Variants in ANKRD44 observed in about 807,000 individuals in gnomAD.
ANKRD44 encodes serine/threonine-protein phosphatase 6 regulatory ankyrin repeat subunit B.
ANKRD44 carries 35 observed loss-of-function variants against 116.0 expected under a neutral mutation model. That is an observed-to-expected ratio of 0.30 (90% CI 0.23 to 0.40). The LOEUF (loss-of-function observed/expected upper bound fraction) is 0.40, where lower values mean the gene tolerates loss of function less well. Among genes scored for constraint, ANKRD44 ranks in the 10% least tolerant of loss-of-function variants. The probability of loss-of-function intolerance (pLI) is 1.00; values close to 1 mark genes in which losing one functional copy is unlikely to be tolerated. For missense variants in ANKRD44, 1,014 were observed against 1,242.6 expected (o/e 0.82, Z 2.77); for synonymous variants, 435 against 461.8 (o/e 0.94, Z 0.74).
Position 197,025,139 on chromosome 2 carries a change from T to C in ANKRD44, c.1722+57A>G, listed in dbSNP as rs2076567178. ...TTACATTTTAAGAGCAATCTAGTTTTAGGAATGCTTAGGTTGTTTTTGTAA... is the reference window on the plus strand; with the variant it reads ...TTACATTTTAAGAGCAATCTAGTTTCAGGAATGCTTAGGTTGTTTTTGTAA... On this transcript the variant is annotated intron_variant, in intron 17 of 27. Coordinates refer to ENST00000282272, the MANE Select transcript of ANKRD44 (RefSeq NM_001195144.2). The C allele has an allele frequency of 4.0e-6, 6 of 1,511,540 alleles. No homozygotes were observed. The South Asian group carries it at 5.7e-5, about 14-fold the overall frequency. The allele number at this position is 1,511,540 out of a possible 1,614,324, so 93.6% of individuals were successfully genotyped here. A position where few individuals can be genotyped will look rare whatever the true frequency, so the allele number is the denominator to read the frequency against.
chr2:197,210,709 T>G (rs541170304), intron 1 of ANKRD44, among the ~76,000 whole-genome samples: 1 of 152,294 alleles, frequency 6.6e-6, no homozygotes, highest in African/African-American at 2.4e-5. Context: ...GGCCACGGGT[T>G]GTGGACTGGA....
At chr2:197,219,157 C>A (rs1035486300) in intron 1 of ANKRD44, among the ~76,000 whole-genome samples, 2 of 150,784 alleles carry the variant, frequency 1.3e-5, no homozygotes, top group African/African-American at 4.9e-5. Flanking sequence ...GCAACCTCTG[C>A]CTCCCAGGTT....
chr2:197,109,751 C>A (rs554936971), intron 9 of ANKRD44, among the ~76,000 whole-genome samples: 1 of 152,066 alleles, frequency 6.6e-6, no homozygotes, highest in African/African-American at 2.4e-5. Flanking sequence ...AGCTTAAAAT[C>A]TGAACTAAAC....
intron 3 of ANKRD44, among the ~76,000 whole-genome samples, chr2:197,146,261 T>A (rs899024434): frequency 6.6e-6 from 1 of 152,238 alleles, no homozygotes; most frequent in Admixed American, 6.5e-5. Flanking sequence ...AGTTCTTTTA[T>A]AGCCTTCCCT....
At chr2:197,280,824 A>T (rs1200240921) in intron 1 of ANKRD44, among the ~76,000 whole-genome samples, 2 of 152,202 alleles carry the variant, frequency 1.3e-5, no homozygotes, top group Non-Finnish European at 2.9e-5. Flanking sequence ...CAACATATTT[A>T]GTCTTTTTCT....
intron 1 of ANKRD44, among the ~76,000 whole-genome samples, chr2:197,268,360 G>A (rs1356804887): frequency 2.6e-5 from 4 of 152,226 alleles, no homozygotes; most frequent in African/African-American, 9.6e-5. Context: ...AGTTATCCAA[G>A]AACAATGTGA....
intron 2 of ANKRD44, among the ~76,000 whole-genome samples, chr2:197,158,305 C>T (rs1408802806): frequency 1.3e-5 from 2 of 152,182 alleles, no homozygotes; most frequent in African/African-American, 2.4e-5. Context: ...GAAAAGTTTT[C>T]CATTCCGTTC....
At chr2:197,292,400 T>C (rs1299469983) in intron 1 of ANKRD44, among the ~76,000 whole-genome samples, 3 of 152,212 alleles carry the variant, frequency 2.0e-5, no homozygotes, top group Non-Finnish European at 4.4e-5. Context: ...CATTGTGGTT[T>C]TGATTTGCAT....
intron 1 of ANKRD44, among the ~76,000 whole-genome samples, chr2:197,309,073 G>A (rs1430520027): frequency 6.6e-6 from 1 of 152,166 alleles, no homozygotes; most frequent in South Asian, 2.1e-4. Flanking sequence ...TCTTATATGT[G>A]ATAACAATAC....
intron 4 of ANKRD44, among the ~76,000 whole-genome samples, chr2:197,128,407 T>A (rs2079026002): frequency 6.6e-6 from 1 of 152,256 alleles, no homozygotes; most frequent in Non-Finnish European, 1.5e-5. Context: ...ATCGAGCTTT[T>A]TTTCATGTTT....
intron 1 of ANKRD44, among the ~76,000 whole-genome samples, chr2:197,246,173 T>C (rs979964986): frequency 1.3e-5 from 2 of 151,794 alleles, no homozygotes; most frequent in Non-Finnish European, 2.9e-5. Context: ...AACTCCTAGA[T>C]TTTTATTTTT....
At chr2:197,089,624 C>T (rs1401576214) in intron 11 of ANKRD44, among the ~76,000 whole-genome samples, 1 of 152,176 alleles carries the variant, frequency 6.6e-6, no homozygotes, top group African/African-American at 2.4e-5. Flanking sequence ...TCATTTTAAA[C>T]CTCAAAGACT....
At chr2:196,985,906 A>G (rs933831213), downstream of ANKRD44, among the ~76,000 whole-genome samples, 2 of 152,352 alleles carry the variant, frequency 1.3e-5, no homozygotes, top group Admixed American at 1.3e-4. Flanking sequence ...AGGATAGTGC[A>G]GAGATGGAGG....
intron 1 of ANKRD44, among the ~76,000 whole-genome samples, chr2:197,255,002 A>C (rs2082411748): frequency 1.3e-5 from 2 of 152,206 alleles, no homozygotes; most frequent in South Asian, 4.1e-4. Flanking sequence ...GGCCCAAGGC[A>C]ATAGTTAACT....
chr2:196,974,217 G>A (rs1054634475), intron 21 of ANKRD44, among the ~76,000 whole-genome samples: 2 of 151,944 alleles, frequency 1.3e-5, no homozygotes, highest in Non-Finnish European at 2.9e-5. Flanking sequence ...TGAGTAGCTG[G>A]GACTACAGGG....
chr2:197,107,023 G>A (rs2078448454), intron 9 of ANKRD44, among the ~76,000 whole-genome samples: 1 of 152,010 alleles, frequency 6.6e-6, no homozygotes, highest in South Asian at 2.1e-4. Context: ...TCATTTGAAG[G>A]TTGCAAGTTA....
At chr2:197,060,277 G>A (rs2077282869) in intron 16 of ANKRD44, among the ~76,000 whole-genome samples, 1 of 152,212 alleles carries the variant, frequency 6.6e-6, no homozygotes, top group African/African-American at 2.4e-5. Context: ...AGCAGATAGA[G>A]AAATCAATTA....
chr2:197,061,707 G>A (rs1221573602), intron 16 of ANKRD44, among the ~76,000 whole-genome samples: 1 of 151,658 alleles, frequency 6.6e-6, no homozygotes, highest in Non-Finnish European at 1.5e-5. Context: ...AAATGTGGGT[G>A]ATAAGTCAAT....
At chr2:197,046,594 T>A (rs1430142320) in intron 16 of ANKRD44, among the ~76,000 whole-genome samples, 3 of 149,868 alleles carry the variant, frequency 2.0e-5, no homozygotes, top group African/African-American at 7.4e-5. Flanking sequence ...TGCAGTGAGA[T>A]GAGATCGTGC....
Sources: allele counts gnomAD v4.1 joint callset (sites outside exome capture counted in the v4.1 genomes callset), GRCh38; gene constraint gnomAD v4.1.1; transcripts MANE v1.5; gene names NCBI Gene and HGNC (gene_info 2026-07-23, HGNC 2026-07-21).